Variants in SCD observed in about 807,000 individuals in gnomAD.
SCD encodes acyl-CoA desaturase.
A neutral mutation model predicts 35.7 loss-of-function variants in SCD; 4 were observed. That is an observed-to-expected ratio of 0.11 (90% CI 0.06 to 0.26). The LOEUF is 0.26. SCD is among the 10% of genes least tolerant of loss of function. The pLI is 1.00. For synonymous variants in SCD, 150 were observed against 170.2 expected (o/e 0.88, Z 0.92); for missense variants, 282 against 460.7 (o/e 0.61, Z 3.55).
chr10:100,353,360 C>T (rs894223343), intron 3 of SCD, among the ~76,000 whole-genome samples: 1 of 152,054 alleles, frequency 6.6e-6, no homozygotes, highest in African/African-American at 2.4e-5. Context: ...CCGAGGTGGG[C>T]AGATCACAAG....
intron 5 of SCD, among the ~76,000 whole-genome samples, chr10:100,360,186 T>C (rs1451825728): frequency 6.6e-6 from 1 of 152,172 alleles, no homozygotes; most frequent in East Asian, 1.9e-4. Flanking sequence ...TGGGGAAAGG[T>C]GTGCTTCTTT....
Position 100,356,250 on chromosome 10 carries a change from G to A in SCD, c.648-282G>A, listed in dbSNP as rs1278940544. On this transcript the variant is annotated intron_variant, in intron 4 of 5. Transcript: ENST00000370355. This position sits in a 1 kb window ranked among gnomAD's most constrained non-coding sequence, Gnocchi z 4.1. The stretch of plus-strand genomic sequence containing the variant: ...AAACTAAATGGGCACGATGGTTCAT[G>A]CCTGTGGTCCCAGCTACTCAGGAGG... Among the ~76,000 whole-genome samples the A allele has an allele frequency of 1.3e-5, 2 of 152,138 alleles. No homozygotes were observed. The highest frequency in any genetic ancestry group is 4.8e-5 in the African/African-American group (2 of 41,422).
chr10:100,357,611 GATCTT>G (rs1435942894), intron 5 of SCD, among the ~76,000 whole-genome samples: 2 of 152,008 alleles, frequency 1.3e-5, no homozygotes, highest in African/African-American at 4.8e-5. Context: ...CTCTAATGTT[GATCTT>G]ATCTTTTCTC....
rs1207962362 is a variant in SCD at position 100,356,302 on chromosome 10, G to C, written c.648-230G>C. Among the ~76,000 whole-genome samples the C allele has an allele frequency of 2.0e-5, 3 of 152,182 alleles. No homozygotes were observed. Among genetic ancestry groups the C allele is most frequent in the Admixed American group, 1.3e-4 (2 of 15,280 alleles). ...TGGGGTGGGAGGATCTCTTGGCCCAGGAGTTCAAGGCTGTGGTGAACTAAG... is the reference window on the plus strand; with the variant it reads ...TGGGGTGGGAGGATCTCTTGGCCCACGAGTTCAAGGCTGTGGTGAACTAAG... On this transcript the variant is annotated intron_variant, in intron 4 of 5. Coordinates refer to ENST00000370355, the MANE Select transcript of SCD (RefSeq NM_005063.5). This position sits in a 1 kb window ranked among gnomAD's most constrained non-coding sequence, Gnocchi z 4.1.
chr10:100,348,280 C>A lies in SCD; in HGVS notation c.244C>A (p.Leu82Ile). Reference protein sequence around the residue: ...VWRNIILMSLLHLGALYGITL... With the variant: ...VWRNIILMSLIHLGALYGITL... ...GAGAAACATCATCCTTATGTCTCTG[C>A]TACACTTGGGAGCCCTGTATGGGAT... is the stretch of plus-strand genomic sequence containing the variant. The change falls in exon 2 of 6, where the codon CTA becomes ATA. Residue 82 changes from leucine to isoleucine, a missense_variant. Physicochemically the swap from Leu to Ile is conservative, Grantham distance 5. Transcript: ENST00000370355. 2 of 1,614,128 alleles carry A rather than the reference C, an allele frequency of 1.2e-6. No homozygotes were observed. The highest frequency in any genetic ancestry group is 1.7e-6 in the Non-Finnish European group (2 of 1,180,020).
chr10:100,348,373 C>G (rs1374185630), intron 2 of SCD, 27 bp downstream of exon 2: 1 of 1,605,782 alleles, frequency 6.2e-7, no homozygotes, highest in East Asian at 2.2e-5. Context: ...TCCTCCTGAC[C>G]TAGTCCTCCA....
At chr10:100,360,045 A>C (rs988922725) in intron 5 of SCD, among the ~76,000 whole-genome samples, 3 of 152,130 alleles carry the variant, frequency 2.0e-5, no homozygotes, top group Non-Finnish European at 2.9e-5. Context: ...AAGCTCAAAA[A>C]AGTTGGAGCA....
At position 100,347,463 on chromosome 10, in the gene SCD, C is replaced by T. The variant is rs1277531930; in HGVS notation, c.-42C>T. On this transcript the variant is annotated 5_prime_UTR_variant, in exon 1 of 6. Transcript: ENST00000370355. ...GGCGACCCCGAACTCCGCTCCGGAG[C>T]CTCAGCCCCCTGGAAAGTGATCCCG... The T allele has an allele frequency of 2.5e-6, 4 of 1,611,256 alleles. No homozygotes were observed. The African/African-American group carries it at 5.3e-5, about 22-fold the overall frequency.
At chr10:100,359,306 C>A (rs1219520651) in intron 5 of SCD, among the ~76,000 whole-genome samples, 1 of 151,784 alleles carries the variant, frequency 6.6e-6, no homozygotes, top group East Asian at 1.9e-4. Flanking sequence ...TCTTGAATTA[C>A]CTCCCCCACT....
chr10:100,350,944 A>ATCTT (rs1849865192), intron 2 of SCD, among the ~76,000 whole-genome samples: 1 of 152,088 alleles, frequency 6.6e-6, no homozygotes, highest in African/African-American at 2.4e-5. Context: ...TCTCCTGGAG[A>ATCTT]TCTTATAGGA....
chr10:100,356,430 A>C lies in SCD; in HGVS notation c.648-102A>C, dbSNP rs1849928503. 3 of 819,582 alleles carry C rather than the reference A, an allele frequency of 3.7e-6. No homozygotes were observed. The highest frequency in any genetic ancestry group is 6.1e-6 in the Non-Finnish European group (3 of 490,056). 50.8% of individuals were successfully genotyped at this position (819,582 alleles called of 1,614,324 possible). A position where few individuals can be genotyped will look rare whatever the true frequency, so the allele number is the denominator to read the frequency against. On this transcript the variant is annotated intron_variant, in intron 4 of 5. Coordinates refer to ENST00000370355, the MANE Select transcript of SCD (RefSeq NM_005063.5). This position sits in a 1 kb window ranked among gnomAD's most constrained non-coding sequence, Gnocchi z 4.1. ...GAACTTAGAGTCAGACAAGCAATTCAACATGGAAGAAAGACAGCCCATCCC... is the reference window on the plus strand; with the variant it reads ...GAACTTAGAGTCAGACAAGCAATTCCACATGGAAGAAAGACAGCCCATCCC...
At chr10:100,348,510 C>A (rs1199207381) in intron 2 of SCD, among the ~76,000 whole-genome samples, 164 bp downstream of exon 2, 3 of 152,132 alleles carry the variant, frequency 2.0e-5, no homozygotes. Context: ...TGGGAAGAAC[C>A]TGGGGGTACT....
At chr10:100,358,213 C>T (rs113229528) in intron 5 of SCD, among the ~76,000 whole-genome samples, 3,716 of 152,180 alleles carry the variant, frequency 0.024, 129 homozygotes, top group African/African-American at 0.082. Context: ...GTTGCACAGG[C>T]TGGTCTCGAA....
At chr10:100,359,287 C>G (rs1185659741) in intron 5 of SCD, among the ~76,000 whole-genome samples, 1 of 152,118 alleles carries the variant, frequency 6.6e-6, no homozygotes, top group Non-Finnish European at 1.5e-5. Flanking sequence ...CCACCCTAAT[C>G]TTTTTGTTTC....
At position 100,356,416 on chromosome 10, in the gene SCD, C is replaced by T. The variant is rs141185979; in HGVS notation, c.648-116C>T. Reference sequence around the variant, plus strand: ...ATAAATAAAACAATGAACTTAGAGTCAGACAAGCAATTCAACATGGAAGAA... The same window carrying T: ...ATAAATAAAACAATGAACTTAGAGTTAGACAAGCAATTCAACATGGAAGAA... On this transcript the variant is annotated intron_variant, in intron 4 of 5. Transcript: ENST00000370355. This position sits in a 1 kb window ranked among gnomAD's most constrained non-coding sequence, Gnocchi z 4.1. 1,175 of 754,612 alleles carry T rather than the reference C, an allele frequency of 1.6e-3. 7 individuals are homozygous for T. Among genetic ancestry groups the T allele is most frequent in the African/African-American group, 0.012 (697 of 56,450 alleles). The allele number at this position is 754,612 out of a possible 1,614,324, so 46.7% of individuals were successfully genotyped here. A position where few individuals can be genotyped will look rare whatever the true frequency, so the allele number is the denominator to read the frequency against.
chr10:100,347,397 G>A lies in SCD; in HGVS notation c.-108G>A. 1 of 1,257,936 alleles carries A rather than the reference G, an allele frequency of 7.9e-7. No homozygotes were observed. The highest frequency in any genetic ancestry group is 1.1e-6 in the Non-Finnish European group (1 of 873,182). The allele number at this position is 1,257,936 out of a possible 1,614,324, so 77.9% of individuals were successfully genotyped here. A position where few individuals can be genotyped will look rare whatever the true frequency, so the allele number is the denominator to read the frequency against. ...AACCAGCTAGCGTGCAAGGCGCCGCGGCTCAGCGCGTACCGGCGGGCTTCG... is the reference window on the plus strand; with the variant it reads ...AACCAGCTAGCGTGCAAGGCGCCGCAGCTCAGCGCGTACCGGCGGGCTTCG... On this transcript the variant is annotated 5_prime_UTR_variant, in exon 1 of 6. Coordinates refer to ENST00000370355, the MANE Select transcript of SCD (RefSeq NM_005063.5).
At chr10:100,357,465 C>G (rs1589699731) in intron 5 of SCD, among the ~76,000 whole-genome samples, 1 of 152,110 alleles carries the variant, frequency 6.6e-6, no homozygotes, top group South Asian at 2.1e-4. Flanking sequence ...CCTTTACTAC[C>G]ACCTACCCTC....
chr10:100,349,398 G>A (rs1157285185), intron 2 of SCD, among the ~76,000 whole-genome samples: 1 of 152,204 alleles, frequency 6.6e-6, no homozygotes, highest in African/African-American at 2.4e-5. Context: ...TACTCTCTAA[G>A]GGGTGGTGAG....
At chr10:100,350,798 A>C (rs890472035) in intron 2 of SCD, among the ~76,000 whole-genome samples, 2 of 152,128 alleles carry the variant, frequency 1.3e-5, no homozygotes, top group African/African-American at 4.8e-5. Flanking sequence ...TGGTTTCCCG[A>C]GTAAGATGCA....
Sources: allele counts gnomAD v4.1 joint callset (sites outside exome capture counted in the v4.1 genomes callset), GRCh38; gene constraint gnomAD v4.1.1; non-coding constraint Gnocchi (gnomAD v3.1); transcripts MANE v1.5; gene names NCBI Gene and HGNC (gene_info 2026-07-23, HGNC 2026-07-21).